The following SIRT2 variants were observed in gnomAD, a reference collection of about 807,000 sequenced individuals.
The protein encoded by SIRT2 is sirtuin 2.
SIRT2 carries 40 observed loss-of-function variants against 57.4 expected under a neutral mutation model. That is an observed-to-expected ratio of 0.70 (90% CI 0.54 to 0.91). The LOEUF (loss-of-function observed/expected upper bound fraction) is 0.91, where lower values mean the gene tolerates loss of function less well. Ranked by LOEUF, SIRT2 falls within the 40% of genes least tolerant of loss-of-function variation. The pLI is 0.00. For missense variants in SIRT2, 439 were observed against 510.4 expected (o/e 0.86, Z 1.35); for synonymous variants, 161 against 195.7 (o/e 0.82, Z 1.48).
chr19:38,881,161 G>A lies in SIRT2; in HGVS notation c.692-6C>T, dbSNP rs374410513. On this transcript the variant is annotated splice_region_variant and splice_polypyrimidine_tract_variant and intron_variant, in intron 10 of 15. Coordinates refer to ENST00000249396, the MANE Select transcript of SIRT2 (RefSeq NM_012237.4). ...CTCACCAAAAAAGACGATATCTGAGGTGGAGACAGATGGACGGACAGAGAC... is the reference window on the plus strand; with the variant it reads ...CTCACCAAAAAAGACGATATCTGAGATGGAGACAGATGGACGGACAGAGAC... The A allele has an allele frequency of 1.2e-5, 20 of 1,612,342 alleles. No homozygotes were observed. The highest frequency in any genetic ancestry group is 4.5e-5 in the East Asian group (2 of 44,866).
intron 4 of SIRT2, chr19:38,891,975 C>T: frequency 2.1e-6 from 1 of 466,010 alleles, no homozygotes; most frequent in South Asian, 1.6e-5. Flanking sequence ...AGCTGGAGGA[C>T]AGGGACACAG....
At chr19:38,886,259 G>A (rs1413821168) in intron 8 of SIRT2, among the ~76,000 whole-genome samples, 1 of 152,052 alleles carries the variant, frequency 6.6e-6, no homozygotes, top group Non-Finnish European at 1.5e-5. Context: ...GTTCCCACAC[G>A]CCCTGTAACT....
chr19:38,880,728 A>AGGGGTGCCCTGTGGGGAGG lies in SIRT2; in HGVS notation c.825-11_832dup (p.Leu278ProfsTer39). 1 of 1,602,970 alleles carries AGGGGTGCCCTGTGGGGAGG rather than the reference A, an allele frequency of 6.2e-7. No individual in the cohort carries two copies. The highest frequency in any genetic ancestry group is 8.5e-7 in the Non-Finnish European group (1 of 1,172,294). On this transcript the variant is annotated frameshift_variant, in exon 13 of 16. Transcript: ENST00000249396. LOFTEE classifies it high-confidence loss of function. The surrounding 1 kb of genome is among the most constrained non-coding windows in gnomAD (Gnocchi z 4.1). ...GTTGATGAGCAGGCGAGGGGTGGAG[A>AGGGGTGCCCTGTGGGGAGG]GGGGTGCCCTGTGGGGAGGGGGAGC...
In SIRT2 at chr19:38,882,172, G is replaced by A. The variant is rs557119187; in HGVS notation, c.632-681C>T. 2.0e-5 allele frequency among the ~76,000 whole-genome samples: 3 copies of A among 151,466 alleles called. No individual in the cohort carries two copies. The East Asian group carries it at 5.9e-4, about 30-fold the overall frequency. On this transcript the variant is annotated intron_variant, in intron 9 of 15. Transcript: ENST00000249396. Reference sequence around the variant, plus strand: ...GCTGGGCTCACAGGCATCCACCATCGCACCTGGCTACATTTTATTTTTTTT... The same window carrying A: ...GCTGGGCTCACAGGCATCCACCATCACACCTGGCTACATTTTATTTTTTTT...
intron 9 of SIRT2, 64 bp downstream of exon 9, chr19:38,883,563 T>C: frequency 6.3e-7 from 1 of 1,584,142 alleles, no homozygotes; most frequent in East Asian, 2.3e-5. Flanking sequence ...GGGTGCCCAC[T>C]GCATGGAGAC....
At chr19:38,892,434 G>GACTCAGTCATGTCC (rs1362720855) in intron 4 of SIRT2, among the ~76,000 whole-genome samples, 1 of 151,710 alleles carries the variant, frequency 6.6e-6, no homozygotes, top group African/African-American at 2.4e-5. Context: ...ATTTCATGCT[G>GACTCAGTCATGTCC]ACTCAGTAAG....
intron 2 of SIRT2, chr19:38,894,485 C>A (rs931668245): frequency 8.6e-6 from 2 of 232,458 alleles, no homozygotes; most frequent in Non-Finnish European, 1.7e-5. Context: ...GCACCAGGGG[C>A]GGGGGAAGTG....
chr19:38,893,924 GA>G, intron 2 of SIRT2, 57 bp from the exon 3 acceptor site: 1 of 1,610,514 alleles, frequency 6.2e-7, no homozygotes, highest in Non-Finnish European at 8.5e-7. Context: ...GGAGGGAGGA[GA>G]GGGGGTGATA....
At chr19:38,888,324 C>T (rs1405808235) in intron 8 of SIRT2, among the ~76,000 whole-genome samples, 1 of 152,196 alleles carries the variant, frequency 6.6e-6, no homozygotes, top group African/African-American at 2.4e-5. Flanking sequence ...AGGCACACGC[C>T]ACCCTGCCCA....
chr19:38,879,400 G>T, intron 15 of SIRT2, 34 bp downstream of exon 15: 1 of 1,591,502 alleles, frequency 6.3e-7, no homozygotes. Flanking sequence ...CAGGGATGGG[G>T]CTCAGGACAG....
chr19:38,896,090 AAG>A (rs1202305169), intron 2 of SIRT2, among the ~76,000 whole-genome samples: 1 of 151,910 alleles, frequency 6.6e-6, no homozygotes, highest in African/African-American at 2.4e-5. Flanking sequence ...GAGAGAGAGA[AAG>A]AGAGAGTGAG....
chr19:38,899,536 A>C lies in SIRT2; in HGVS notation c.-15T>G. ...GGCTCTGCCATGGGCGCGGTGCTGAAGCCCTTGAGGCTGTCACCGACCGCT... is the reference window on the plus strand; with the variant it reads ...GGCTCTGCCATGGGCGCGGTGCTGACGCCCTTGAGGCTGTCACCGACCGCT... On this transcript the variant is annotated 5_prime_UTR_variant, in exon 1 of 16. Transcript: ENST00000249396. 1 of 1,613,762 alleles carries C rather than the reference A, an allele frequency of 6.2e-7. No individual in the cohort carries two copies. Among genetic ancestry groups the C allele is most frequent in the Non-Finnish European group, 8.5e-7 (1 of 1,179,974 alleles).
At position 38,879,452 on chromosome 19, in the gene SIRT2, A is replaced by C. The variant is rs1181198008; in HGVS notation, c.996T>G (p.Ala332=). The change falls in exon 15 of 16, where the codon GCT becomes GCG. Residue 332 remains alanine, a synonymous_variant. Transcript: ENST00000249396. The part of the protein sequence containing the change: ...GECDQGCLAL[A]ELLGWKKELE... ...TCCTCACCTTCCATCCAAGGAGCTC[A>C]GCAAGGGCCAGGCAGCCCTGGTCGC... is the stretch of plus-strand genomic sequence containing the variant. The C allele has an allele frequency of 1.3e-6, 2 of 1,598,114 alleles. No homozygotes were observed. The highest frequency in any genetic ancestry group is 1.7e-6 in the Non-Finnish European group (2 of 1,172,186).
chr19:38,894,860 G>T lies in SIRT2; in HGVS notation c.64-993C>A, dbSNP rs868444207. 7 of 456,036 alleles carry T rather than the reference G, an allele frequency of 1.5e-5. 1 individual carries two copies. The Middle Eastern group carries it at 1.3e-3, about 85-fold the overall frequency. 28.2% of individuals were successfully genotyped at this position (456,036 alleles called of 1,614,324 possible). ...TGTCTCATCCATGCCAATGACCTCTGCCTCGTCACTCATGATACCATCTCT... is the reference window on the plus strand; with the variant it reads ...TGTCTCATCCATGCCAATGACCTCTTCCTCGTCACTCATGATACCATCTCT... On this transcript the variant is annotated intron_variant, in intron 2 of 15. Transcript: ENST00000249396.
At chr19:38,898,569 AG>A in intron 1 of SIRT2, 144 bp from the exon 2 acceptor site, 1 of 421,024 alleles carries the variant, frequency 2.4e-6, no homozygotes, top group Non-Finnish European at 4.2e-6. Flanking sequence ...GAGCAGAGGG[AG>A]GGAGGGGACG....
intron 7 of SIRT2, 130 bp downstream of exon 7, chr19:38,889,559 G>A: frequency 9.8e-7 from 1 of 1,018,560 alleles, no homozygotes; most frequent in Non-Finnish European, 1.5e-6. Context: ...CTTGAACCGA[G>A]GCAGTCTGGG....
At chr19:38,885,694 G>T (rs1973312397) in intron 8 of SIRT2, among the ~76,000 whole-genome samples, 1 of 150,856 alleles carries the variant, frequency 6.6e-6, no homozygotes, top group Admixed American at 6.6e-5. Context: ...AGGTTCAAGT[G>T]ATTCTCCTGC....
rs5828021 is a variant in SIRT2, at chr19:38,892,738, A to AT, written c.226+675dup. ...ACAGGCAACGCCCCCATATCTGACT[A>AT]TTTTTTTTTTTCTTGTAGAGATGGC... On this transcript the variant is annotated intron_variant, in intron 4 of 15. Coordinates refer to ENST00000249396, the MANE Select transcript of SIRT2 (RefSeq NM_012237.4). Among the ~76,000 whole-genome samples, 16 of 148,458 alleles carry AT rather than the reference A, an allele frequency of 1.1e-4. No homozygotes were observed. In the East Asian group the frequency reaches 1.6e-3, roughly 15 times the overall value.
At chr19:38,892,454 A>G (rs1973571769) in intron 4 of SIRT2, among the ~76,000 whole-genome samples, 1 of 151,768 alleles carries the variant, frequency 6.6e-6, no homozygotes, top group Non-Finnish European at 1.5e-5. Flanking sequence ...GTGGACACCT[A>G]TCCACCACAT....
Sources: gnomAD v4.1 joint callset for allele counts (sites outside exome capture counted in the v4.1 genomes callset) on GRCh38, gnomAD v4.1.1 for gene constraint, Gnocchi (gnomAD v3.1) non-coding constraint, MANE v1.5 for transcripts, NCBI Gene and HGNC (gene_info 2026-07-23, HGNC 2026-07-21) for gene names.